FOXP2: variants seen among roughly 807,000 people sequenced by gnomAD.
FOXP2 encodes forkhead box P2.
A neutral mutation model predicts 115.8 loss-of-function variants in FOXP2; 12 were observed. That is an observed-to-expected ratio of 0.10 (90% CI 0.07 to 0.17). The LOEUF (loss-of-function observed/expected upper bound fraction) is 0.17, where lower values mean the gene tolerates loss of function less well. Ranked by LOEUF, FOXP2 falls within the 10% of genes least tolerant of loss-of-function variation. The pLI, the probability that FOXP2 is intolerant of heterozygous loss-of-function variation, is 1.00. For synonymous variants in FOXP2, 328 were observed against 297.7 expected (o/e 1.10, Z -1.05); for missense variants, 629 against 843.5 (o/e 0.75, Z 3.15).
At chr7:114,584,524 C>A (rs1802031052) in intron 3 of FOXP2, among the ~76,000 whole-genome samples, 1 of 152,178 alleles carries the variant, frequency 6.6e-6, no homozygotes, top group South Asian at 2.1e-4. Flanking sequence ...ACCTTACTTT[C>A]ATTAAATTTT....
chr7:114,272,888 A>G, intron 1 of FOXP2, among the ~76,000 whole-genome samples: 1 of 151,730 alleles, frequency 6.6e-6, no homozygotes, highest in Non-Finnish European at 1.5e-5. Flanking sequence ...CAAAGAATTA[A>G]TTTTTACTTT....
intron 3 of FOXP2, among the ~76,000 whole-genome samples, chr7:114,599,906 A>G (rs1333215430): frequency 6.6e-6 from 1 of 152,162 alleles, no homozygotes; most frequent in Non-Finnish European, 1.5e-5. Context: ...AGAATTAGGC[A>G]TAAAATACAG....
At chr7:114,406,818 C>G (rs919049697) in intron 2 of FOXP2, among the ~76,000 whole-genome samples, 18 of 152,098 alleles carry the variant, frequency 1.2e-4, no homozygotes, top group Middle Eastern at 6.8e-3. Flanking sequence ...TACCTCCTCC[C>G]TCTCTCCCTA....
At chr7:114,224,519 AATTACCTCC>A (rs1337496116) in intron 1 of FOXP2, among the ~76,000 whole-genome samples, 1 of 152,210 alleles carries the variant, frequency 6.6e-6, no homozygotes, top group Non-Finnish European at 1.5e-5. Context: ...TGCAAAAATA[AATTACCTCC>A]ATCAACATTT....
intron 2 of FOXP2, among the ~76,000 whole-genome samples, chr7:114,455,360 T>G (rs982455069): frequency 3.3e-5 from 5 of 152,216 alleles, no homozygotes; most frequent in African/African-American, 1.2e-4. Flanking sequence ...CTAGAACCAT[T>G]TGCCATTGTG....
chr7:114,399,411 A>G (rs924057324), intron 2 of FOXP2, among the ~76,000 whole-genome samples: 19 of 151,984 alleles, frequency 1.3e-4, no homozygotes, highest in African/African-American at 4.3e-4. Flanking sequence ...CCCAGCCTTC[A>G]CTTATTTTTT....
intron 1 of FOXP2, among the ~76,000 whole-genome samples, chr7:114,241,210 A>C (rs1011611419): frequency 2.8e-4 from 42 of 152,208 alleles, no homozygotes; most frequent in African/African-American, 9.6e-4. Context: ...CATATAAAAA[A>C]TATTCTCTGT....
intron 1 of FOXP2, among the ~76,000 whole-genome samples, chr7:114,101,896 A>ATTTT (rs200056748): frequency 5.3e-5 from 5 of 94,188 alleles, no homozygotes; most frequent in African/African-American, 1.9e-4. Context: ...TCGCTTCAAC[A>ATTTT]TTTTGTGTGT....
At chr7:114,635,939 T>A (rs1805194664) in intron 6 of FOXP2, among the ~76,000 whole-genome samples, 1 of 152,188 alleles carries the variant, frequency 6.6e-6, no homozygotes, top group Admixed American at 6.5e-5. Flanking sequence ...TATTCACATA[T>A]CCCAGAAGTT....
rs538631660 is a variant in FOXP2, at chr7:114,690,374, G to T, written c.*448G>T. ...AGTAGTTGTAATGTTAGAAACAATT[G>T]CTGGTCAAGTTCAACTTGTTGCTAT... On this transcript the variant is annotated 3_prime_UTR_variant, in exon 17 of 17. Coordinates refer to ENST00000350908, the MANE Select transcript of FOXP2 (RefSeq NM_014491.4). The T allele has an allele frequency of 4.4e-6, 2 of 454,104 alleles. No homozygotes were observed. Among genetic ancestry groups the T allele is most frequent in the African/African-American group, 2.0e-5 (1 of 50,100 alleles). The allele number at this position is 454,104 out of a possible 1,614,324, so 28.1% of individuals were successfully genotyped here. A position where few individuals can be genotyped will look rare whatever the true frequency, so the allele number is the denominator to read the frequency against.
At chr7:114,251,181 G>A (rs1196835010) in intron 1 of FOXP2, among the ~76,000 whole-genome samples, 2 of 151,392 alleles carry the variant, frequency 1.3e-5, no homozygotes, top group Non-Finnish European at 3.0e-5. Flanking sequence ...CCAGTACCAT[G>A]CTGTTTTGGT....
Position 114,658,199 on chromosome 7 carries a change from C to T in FOXP2, c.1400C>T (p.Ala467Val). Residue 467 changes from alanine to valine, a missense_variant, in exon 11 of 17, where the codon GCC becomes GTC. Ala to Val is a moderately conservative substitution (Grantham distance 64). This residue lies in a region of FOXP2 where 101 missense variants were observed against 116.0 expected (regional missense o/e 0.87). Transcript: ENST00000350908. ...CAGGGACCCTCAGTAATCACCCCAG[C>T]CAGTGTGCCCAATGTGGGAGCCATA... ...ITQGPSVITP[A>V]SVPNVGAIRR... The T allele has an allele frequency of 6.2e-7, 1 of 1,613,848 alleles. No homozygotes were observed. Among genetic ancestry groups the T allele is most frequent in the Non-Finnish European group, 8.5e-7 (1 of 1,179,876 alleles).
At chr7:114,548,688 G>A (rs1461604094) in intron 3 of FOXP2, among the ~76,000 whole-genome samples, 1 of 152,102 alleles carries the variant, frequency 6.6e-6, no homozygotes, top group East Asian at 1.9e-4. Flanking sequence ...TCAGCACTAG[G>A]TAAAGAACAA....
At chr7:114,559,111 T>C (rs1258947810) in intron 3 of FOXP2, among the ~76,000 whole-genome samples, 3 of 152,182 alleles carry the variant, frequency 2.0e-5, no homozygotes, top group African/African-American at 7.2e-5. Flanking sequence ...AGTCCATAAG[T>C]ACTCTGCAGG....
At chr7:114,689,000 T>A (rs143646440) in intron 16 of FOXP2, among the ~76,000 whole-genome samples, 1 of 152,152 alleles carries the variant, frequency 6.6e-6, no homozygotes, top group Non-Finnish European at 1.5e-5. Context: ...TATTTATATA[T>A]AATATTTTTC....
intron 16 of FOXP2, among the ~76,000 whole-genome samples, chr7:114,679,277 T>G (rs1222702266): frequency 6.6e-6 from 1 of 152,162 alleles, no homozygotes; most frequent in East Asian, 1.9e-4. Flanking sequence ...CATTGTAAAT[T>G]TAAAAGTAGT....
At chr7:114,271,505 A>G (rs946102850) in intron 1 of FOXP2, among the ~76,000 whole-genome samples, 1 of 132,502 alleles carries the variant, frequency 7.5e-6, no homozygotes, top group Non-Finnish European at 1.6e-5. Context: ...TAAATATATT[A>G]ATAATATAAT....
intron 2 of FOXP2, among the ~76,000 whole-genome samples, chr7:114,348,664 T>C (rs1350574290): frequency 6.6e-6 from 1 of 152,110 alleles, no homozygotes; most frequent in Non-Finnish European, 1.5e-5. Context: ...TGGCCCAGCT[T>C]TCTTATCTGT....
intron 2 of FOXP2, among the ~76,000 whole-genome samples, chr7:114,320,926 G>C (rs1032959685): frequency 6.6e-6 from 1 of 152,116 alleles, no homozygotes; most frequent in Non-Finnish European, 1.5e-5. Context: ...ACCTCCTAGA[G>C]GTTCCTGTGC....
Sources: gnomAD v4.1 joint callset for allele counts (sites outside exome capture counted in the v4.1 genomes callset) on GRCh38, gnomAD v4.1.1 for gene constraint, gnomAD v4.1.1 regional missense constraint, MANE v1.5 for transcripts, NCBI Gene and HGNC (gene_info 2026-07-23, HGNC 2026-07-21) for gene names.